ZCCHC7: variants seen among roughly 807,000 people sequenced by gnomAD.
The protein encoded by ZCCHC7 is zinc finger CCHC-type containing 7.
Under a neutral mutation model 52.0 loss-of-function variants are expected in ZCCHC7, and 35 were observed. The ratio of observed to expected loss-of-function variants is 0.67; its 90% confidence interval spans 0.51 to 0.89. The LOEUF is 0.89. Among genes scored for constraint, ZCCHC7 ranks in the 40% least tolerant of loss-of-function variants. The probability of loss-of-function intolerance (pLI) is 0.00; values close to 1 mark genes in which losing one functional copy is unlikely to be tolerated. For synonymous variants in ZCCHC7, 217 were observed against 221.5 expected, an observed-to-expected ratio of 0.98 and a Z score of 0.18; for missense variants, 574 against 649.1, an observed-to-expected ratio of 0.88 and a Z score of 1.26.
At chr9:37,298,429 A>G (rs2133677456) in intron 2 of ZCCHC7, among the ~76,000 whole-genome samples, 1 of 152,386 alleles carries the variant, frequency 6.6e-6, no homozygotes, top group Middle Eastern at 3.4e-3. Flanking sequence ...TATCCATACA[A>G]TGGAATACTG....
intron 2 of ZCCHC7, among the ~76,000 whole-genome samples, chr9:37,239,642 C>T (rs1228377482): frequency 6.6e-6 from 1 of 152,050 alleles, no homozygotes. Flanking sequence ...TTATTATTGG[C>T]CATCCCTTAG....
In ZCCHC7 at chr9:37,183,409, T is replaced by C. The variant is rs541750231; in HGVS notation, c.610+56467T>C. On this transcript the variant is annotated intron_variant, in intron 2 of 8. Coordinates refer to ENST00000336755, the MANE Select transcript of ZCCHC7 (RefSeq NM_032226.3). ...GTGTGCTTTATTATTTGAAATGTTA[T>C]TTGTTTTCAGCCTGGTGCAGAAATC... is the stretch of plus-strand genomic sequence containing the variant. Among the ~76,000 whole-genome samples, 100 of 152,356 alleles carry C rather than the reference T, an allele frequency of 6.6e-4. 2 individuals are homozygous for C. The South Asian group carries it at 0.017, about 25-fold the overall frequency.
At chr9:37,192,362 ATTGAAT>A (rs1458722131) in intron 2 of ZCCHC7, among the ~76,000 whole-genome samples, 5 of 152,204 alleles carry the variant, frequency 3.3e-5, no homozygotes, top group Admixed American at 6.5e-5. Flanking sequence ...TTTGAGCCAT[ATTGAAT>A]TATTTCAGTA....
At chr9:37,255,523 T>G (rs1281544336) in intron 2 of ZCCHC7, among the ~76,000 whole-genome samples, 1 of 152,108 alleles carries the variant, frequency 6.6e-6, no homozygotes, top group African/African-American at 2.4e-5. Context: ...AATTGTTTAT[T>G]TCTGGAATTT....
chr9:37,254,576 T>G (rs1407500916), intron 2 of ZCCHC7, among the ~76,000 whole-genome samples: 1 of 152,042 alleles, frequency 6.6e-6, no homozygotes, highest in Non-Finnish European at 1.5e-5. Context: ...TTAAGCCCGC[T>G]AATATGTGTT....
chr9:37,181,518 A>C (rs1386107479), intron 2 of ZCCHC7, among the ~76,000 whole-genome samples: 1 of 152,246 alleles, frequency 6.6e-6, no homozygotes, highest in Non-Finnish European at 1.5e-5. Context: ...ATATTCTTAA[A>C]ATGGAATATT....
At chr9:37,335,298 C>A (rs1275319176) in intron 6 of ZCCHC7, among the ~76,000 whole-genome samples, 1 of 152,058 alleles carries the variant, frequency 6.6e-6, no homozygotes, top group Non-Finnish European at 1.5e-5. Context: ...GAAGGGCAAG[C>A]AAATTTCTGA....
At chr9:37,155,031 G>T (rs1261844224) in intron 2 of ZCCHC7, among the ~76,000 whole-genome samples, 1 of 152,118 alleles carries the variant, frequency 6.6e-6, no homozygotes, top group Non-Finnish European at 1.5e-5. Context: ...TTCCACATTT[G>T]TGGGTGTTCT....
intron 2 of ZCCHC7, among the ~76,000 whole-genome samples, chr9:37,266,550 C>T (rs572424475): frequency 6.6e-6 from 1 of 152,216 alleles, no homozygotes; most frequent in South Asian, 2.1e-4. Context: ...CTTTATGATG[C>T]TAAGCATGTT....
chr9:37,231,285 A>G (rs939398978), intron 2 of ZCCHC7, among the ~76,000 whole-genome samples: 3 of 152,186 alleles, frequency 2.0e-5, no homozygotes, highest in Non-Finnish European at 4.4e-5. Flanking sequence ...TGCACTAGTT[A>G]CGTATATTAA....
At chr9:37,155,729 C>T (rs1032950251) in intron 2 of ZCCHC7, among the ~76,000 whole-genome samples, 1 of 152,150 alleles carries the variant, frequency 6.6e-6, no homozygotes, top group Non-Finnish European at 1.5e-5. Context: ...GAGTCCTATT[C>T]ATCTTACCTA....
intron 2 of ZCCHC7, among the ~76,000 whole-genome samples, chr9:37,199,682 G>T (rs1299135099): frequency 2.2e-4 from 15 of 68,242 alleles, no homozygotes; most frequent in South Asian, 4.7e-4. Flanking sequence ...CTCTCTGTCT[G>T]TCTGTCTTTC....
intron 2 of ZCCHC7, among the ~76,000 whole-genome samples, chr9:37,232,217 C>T (rs1056280555): frequency 6.6e-6 from 1 of 152,158 alleles, no homozygotes; most frequent in Non-Finnish European, 1.5e-5. Context: ...CAGTTCTGAA[C>T]AGTATCGATG....
intron 5 of ZCCHC7, among the ~76,000 whole-genome samples, chr9:37,314,300 T>C (rs1389006160): frequency 6.6e-6 from 1 of 152,188 alleles, no homozygotes; most frequent in Non-Finnish European, 1.5e-5. Flanking sequence ...CTGAGAATCT[T>C]ATGGCACTGA....
At chr9:37,186,165 A>G (rs1359446335) in intron 2 of ZCCHC7, among the ~76,000 whole-genome samples, 2 of 152,184 alleles carry the variant, frequency 1.3e-5, no homozygotes, top group African/African-American at 2.4e-5. Context: ...TATTAAAAAC[A>G]TGTTCTAAAC....
intron 6 of ZCCHC7, among the ~76,000 whole-genome samples, chr9:37,337,397 A>ACCCCCC (rs1264594478): frequency 5.8e-5 from 1 of 17,250 alleles, no homozygotes; most frequent in Non-Finnish European, 1.0e-4. Flanking sequence ...CACCCTACCC[A>ACCCCCC]CCCACCCCCC....
chr9:37,178,585 T>A (rs569051267), intron 2 of ZCCHC7, among the ~76,000 whole-genome samples: 1 of 152,158 alleles, frequency 6.6e-6, no homozygotes, highest in Non-Finnish European at 1.5e-5. Context: ...AAAACTCTTA[T>A]AGTTATGATA....
intron 2 of ZCCHC7, among the ~76,000 whole-genome samples, chr9:37,258,402 G>A (rs1826695257): frequency 6.6e-6 from 1 of 152,122 alleles, no homozygotes; most frequent in Admixed American, 6.5e-5. Flanking sequence ...GCATATCAAA[G>A]GAGATCTGAT....
intron 5 of ZCCHC7, among the ~76,000 whole-genome samples, chr9:37,320,693 T>C (rs1025667115): frequency 5.3e-5 from 8 of 152,188 alleles, no homozygotes; most frequent in Non-Finnish European, 1.0e-4. Context: ...TTGCCTCTCT[T>C]GGAATTATAA....
Sources: gnomAD v4.1 joint callset for allele counts (sites outside exome capture counted in the v4.1 genomes callset) on GRCh38, gnomAD v4.1.1 for gene constraint, MANE v1.5 for transcripts, NCBI Gene and HGNC (gene_info 2026-07-23, HGNC 2026-07-21) for gene names.